SON: variants seen among roughly 807,000 people sequenced by gnomAD.
SON encodes SON DNA and RNA binding protein.
A neutral mutation model predicts 173.3 loss-of-function variants in SON; 4 were observed. The ratio of observed to expected loss-of-function variants is 0.02; its 90% confidence interval spans 0.01 to 0.05. The LOEUF is 0.05. Ranked by LOEUF, SON falls within the 10% of genes least tolerant of loss-of-function variation. SON has a pLI of 1.00. For synonymous variants in SON, 1,190 were observed against 1,105.9 expected (o/e 1.08, Z -1.51); for missense variants, 2,626 against 3,055.3 (o/e 0.86, Z 3.31).
chr21:33,562,440 A>G (rs1438734000), intron 6 of SON, among the ~76,000 whole-genome samples: 1 of 152,180 alleles, frequency 6.6e-6, no homozygotes, highest in Non-Finnish European at 1.5e-5. Flanking sequence ...TGTTGAGCAT[A>G]AAACATTTAG....
At position 33,543,178 on chromosome 21, in the gene SON, C is replaced by G. The variant is rs1163328639; in HGVS notation, c.77+9C>G. 3 of 1,610,346 alleles carry G rather than the reference C, an allele frequency of 1.9e-6. No individual in the cohort carries two copies. Among genetic ancestry groups the G allele is most frequent in the Non-Finnish European group, 2.5e-6 (3 of 1,176,602 alleles). ...CAACAGGAGCTTTCCAGGTAAACGC[C>G]TCCCAGATTCTTCTGCTCCCAACGG... On this transcript the variant is annotated intron_variant, in intron 1 of 11. Coordinates refer to ENST00000356577, the MANE Select transcript of SON (RefSeq NM_138927.4).
In SON at chr21:33,551,396, A is replaced by AGAC. The variant is rs745433806; in HGVS notation, c.2166_2168dup (p.Thr723dup). The AGAC allele has an allele frequency of 5.0e-5, 80 of 1,614,002 alleles. No individual in the cohort carries two copies. The highest frequency in any genetic ancestry group is 6.7e-5 in the Non-Finnish European group (79 of 1,179,998). ...CATATATTAGCTTCTAACACCATGG[A>AGAC]GACCCATATATTAGCATCCAACACC... is the stretch of plus-strand genomic sequence containing the variant. On this transcript the variant is annotated inframe_insertion, in exon 3 of 12. Transcript: ENST00000356577.
At position 33,549,851 on chromosome 21, in the gene SON, C is replaced by T. The variant is rs1361192859; in HGVS notation, c.620C>T (p.Pro207Leu). ...CCACACATCTTAGAAACTCTGAAGC[C>T]AGCTACAAAAACTGCAGAACTGTCA... Reference protein sequence around the residue: ...SEPHILETLKPATKTAELSVV... With the variant: ...SEPHILETLKLATKTAELSVV... The change falls in exon 3 of 12, where the codon CCA becomes CTA. Residue 207 changes from proline (P) to leucine (L), a missense_variant. By Grantham distance (98) the Pro-to-Leu change is moderately conservative. Coordinates refer to ENST00000356577, the MANE Select transcript of SON (RefSeq NM_138927.4). 6 of 1,614,100 alleles carry T rather than the reference C, an allele frequency of 3.7e-6. No homozygotes were observed. In the African/African-American group the frequency reaches 5.3e-5, roughly 14 times the overall value.
rs1424259697 is a variant in SON at position 33,554,777 on chromosome 21, A to G, written c.5546A>G (p.Lys1849Arg). The part of the protein sequence containing the change: ...RTSESRSRAR[K>R]RSSKSKSHRS... ...AGTGAATCTCGTTCTAGGGCAAGAA[A>G]GAGATCATCTAAGTCCAAGTCTCAT... is the stretch of plus-strand genomic sequence containing the variant. Residue 1849 changes from lysine (K) to arginine (R), a missense_variant, in exon 3 of 12, where the codon AAG (lysine) becomes AGG (arginine). Lys to Arg is a conservative substitution (Grantham distance 26, BLOSUM62 2). This residue lies in a region of SON where 1,006 missense variants were observed against 895.6 expected (regional missense o/e 1.12). Transcript: ENST00000356577. The G allele has an allele frequency of 3.1e-6, 5 of 1,613,952 alleles. No individual in the cohort carries two copies. Among genetic ancestry groups the G allele is most frequent in the Non-Finnish European group, 4.2e-6 (5 of 1,180,038 alleles).
intron 4 of SON, 65 bp downstream of exon 4, chr21:33,557,381 G>A (rs1301971676): frequency 5.1e-6 from 8 of 1,581,292 alleles, no homozygotes; most frequent in South Asian, 1.1e-5. Flanking sequence ...ACTCTGGAGC[G>A]TGCCAAAACC....
chr21:33,565,440 G>A (rs1601287176), intron 6 of SON, among the ~76,000 whole-genome samples: 1 of 152,180 alleles, frequency 6.6e-6, no homozygotes, highest in East Asian at 1.9e-4. Context: ...GTCGCATCTT[G>A]TGTGCCTTCA....
intron 6 of SON, among the ~76,000 whole-genome samples, chr21:33,561,621 T>TGA (rs967125426): frequency 1.8e-3 from 273 of 152,060 alleles, no homozygotes; most frequent in African/African-American, 6.3e-3. Flanking sequence ...TACACTTTTT[T>TGA]GAGAGAGAGA....
At chr21:33,543,656 G>T (rs2085529223) in intron 1 of SON, among the ~76,000 whole-genome samples, 1 of 152,226 alleles carries the variant, frequency 6.6e-6, no homozygotes, top group Non-Finnish European at 1.5e-5. Flanking sequence ...CCGCTTGGGG[G>T]TCTGGATCTA....
intron 4 of SON, chr21:33,558,837 ATT>A: frequency 6.5e-6 from 1 of 153,610 alleles, no homozygotes; most frequent in African/African-American, 2.4e-5. Context: ...CTCAGTTTGT[ATT>A]ATATCAGTTT....
Position 33,549,590 on chromosome 21 carries a change from A to T in SON, c.359A>T (p.Lys120Ile). ...KHKKHKNKKK[K>I]KKKEKEKKYK... ...AAAAAGCACAAAAACAAAAAGAAGA[A>T]AAAGAAGAAAGAAAAGGAAAAAAAA... is the stretch of plus-strand genomic sequence containing the variant. Residue 120 changes from lysine (K) to isoleucine (I), a missense_variant, in exon 3 of 12, where the codon AAA (lysine) becomes ATA (isoleucine). Physicochemically the swap from Lys to Ile is moderately radical, Grantham distance 102 (BLOSUM62 -3). This residue lies in a region of SON where 757 missense variants were observed against 730.1 expected (regional missense o/e 1.04). Coordinates refer to ENST00000356577, the MANE Select transcript of SON (RefSeq NM_138927.4). 1 of 1,589,958 alleles carries T rather than the reference A, an allele frequency of 6.3e-7. No individual in the cohort carries two copies. Among genetic ancestry groups the T allele is most frequent in the South Asian group, 1.2e-5 (1 of 84,832 alleles).
At chr21:33,556,407 G>C in intron 3 of SON, among the ~76,000 whole-genome samples, 1 of 152,168 alleles carries the variant, frequency 6.6e-6, no homozygotes, top group East Asian at 1.9e-4. Flanking sequence ...CTTAATGACA[G>C]CTTGTTAGAA....
rs2086031870 is a variant in SON at position 33,559,600 on chromosome 21, A to G, written c.6482A>G (p.Lys2161Arg). 6.2e-7 allele frequency: 1 copy of G among 1,609,884 alleles called. No homozygotes were observed. The highest frequency in any genetic ancestry group is 1.7e-5 in the Admixed American group (1 of 58,774). ...IFFNLNIAAAKPTPPKSQVTL... is the reference protein window; with the variant it reads ...IFFNLNIAAARPTPPKSQVTL... The stretch of plus-strand genomic sequence containing the variant: ...TTTATTTTTTAGATTGCTGCAGCAA[A>G]ACCAACTCCACCAAAAAGCCAGGTA... Residue 2161 changes from lysine (K) to arginine (R), a missense_variant, in exon 6 of 12, where the codon AAA (lysine) becomes AGA (arginine). This residue lies in a region of SON where 75 missense variants were observed against 201.6 expected (regional missense o/e 0.37). Transcript: ENST00000356577. This position sits in a 1 kb window ranked among gnomAD's most constrained non-coding sequence, Gnocchi z 4.1.
At chr21:33,557,653 G>A (rs1421743465) in intron 4 of SON, 2 of 1,531,200 alleles carry the variant, frequency 1.3e-6, no homozygotes, top group African/African-American at 1.4e-5. Flanking sequence ...CATTCACGAC[G>A]CGTTCACTGA....
chr21:33,548,953 T>A (rs2085687639), intron 2 of SON, among the ~76,000 whole-genome samples: 1 of 152,238 alleles, frequency 6.6e-6, no homozygotes, highest in Non-Finnish European at 1.5e-5. Context: ...TGTTTAATAA[T>A]TTATTTTTAA....
intron 8 of SON, chr21:33,569,428 T>C (rs2086236935): frequency 2.9e-6 from 1 of 341,232 alleles, no homozygotes; most frequent in Admixed American, 4.8e-5. Flanking sequence ...CCTAATCATT[T>C]CAAAGCAGTG....
Position 33,559,408 on chromosome 21 carries a change from A to C in SON, c.6468+32A>C. The C allele has an allele frequency of 6.4e-7, 1 of 1,567,920 alleles. No individual in the cohort carries two copies. Reference sequence around the variant, plus strand: ...ATTAGTGCTTATGGATTGGTAAAACAGTGTAACTTGTGGAACTATTTAAAT... The same window carrying C: ...ATTAGTGCTTATGGATTGGTAAAACCGTGTAACTTGTGGAACTATTTAAAT... On this transcript the variant is annotated intron_variant, in intron 5 of 11. Transcript: ENST00000356577. The surrounding 1 kb of genome is among the most constrained non-coding windows in gnomAD (Gnocchi z 4.1).
intron 1 of SON, 88 bp downstream of exon 1, chr21:33,543,257 G>A (rs941184001): frequency 7.8e-6 from 10 of 1,289,240 alleles, no homozygotes; most frequent in Non-Finnish European, 1.0e-5. Context: ...AGACGCAGTC[G>A]TTCCCCGGCT....
intron 3 of SON, among the ~76,000 whole-genome samples, chr21:33,555,740 T>C (rs915830583): frequency 2.0e-5 from 3 of 152,230 alleles, no homozygotes; most frequent in Admixed American, 2.0e-4. Context: ...ATTGTTATTG[T>C]ATGTGTTCTA....
chr21:33,553,351 A>C lies in SON; in HGVS notation c.4120A>C (p.Thr1374Pro). The part of the protein sequence containing the change: ...AVTVLESSTV[T>P]VLESSTVTVL... ...GACCGTCCTGGAGTCTTCGACTGTGACTGTCCTGGAGTCTTCGACTGTAAC... is the reference window on the plus strand; with the variant it reads ...GACCGTCCTGGAGTCTTCGACTGTGCCTGTCCTGGAGTCTTCGACTGTAAC... Residue 1374 changes from threonine to proline, a missense_variant, in exon 3 of 12, where the codon ACT becomes CCT. Thr to Pro is a conservative substitution (Grantham distance 38). This residue lies in a region of SON where 1,006 missense variants were observed against 895.6 expected (regional missense o/e 1.12). Coordinates refer to ENST00000356577, the MANE Select transcript of SON (RefSeq NM_138927.4). 1.9e-6 allele frequency: 3 copies of C among 1,583,832 alleles called. No homozygotes were observed. The highest frequency in any genetic ancestry group is 2.6e-6 in the Non-Finnish European group (3 of 1,155,546).
Sources: gnomAD v4.1 joint callset for allele counts (sites outside exome capture counted in the v4.1 genomes callset) on GRCh38, gnomAD v4.1.1 for gene constraint, gnomAD v4.1.1 regional missense constraint, Gnocchi (gnomAD v3.1) non-coding constraint, MANE v1.5 for transcripts, NCBI Gene and HGNC (gene_info 2026-07-23, HGNC 2026-07-21) for gene names.